ZNF37A: variants seen among roughly 807,000 people sequenced by gnomAD.
ZNF37A encodes zinc finger protein 37A.
ZNF37A carries 10 observed loss-of-function variants against 12.3 expected under a neutral mutation model. The observed-to-expected ratio is 0.82, with a 90% confidence interval of 0.50 to 1.38. ZNF37A has a LOEUF of 1.38. ZNF37A is among the 40% of genes most tolerant of loss of function. The probability of loss-of-function intolerance (pLI) is 0.00; values close to 1 mark genes in which losing one functional copy is unlikely to be tolerated. For missense variants in ZNF37A, 580 were observed against 651.2 expected, an observed-to-expected ratio of 0.89 and a Z score of 1.19; for synonymous variants, 207 against 223.0, an observed-to-expected ratio of 0.93 and a Z score of 0.64.
chr10:38,128,175 C>G (rs1211232074), downstream of ZNF37A, among the ~76,000 whole-genome samples: 2 of 152,032 alleles, frequency 1.3e-5, no homozygotes, highest in Non-Finnish European at 2.9e-5. Context: ...GTTTTAGAAC[C>G]TAATCAGAAG....
intron 7 of ZNF37A, chr10:38,141,666 ATTC>A (rs1209492320): frequency 1.3e-5 from 2 of 152,200 alleles, no homozygotes; most frequent in African/African-American, 2.4e-5. Context: ...ACCAATGTTA[ATTC>A]TTCTTAGTGT....
chr10:38,117,927 A>T lies in ZNF37A; in HGVS notation c.776A>T (p.His259Leu). The change falls in exon 8 of 8, where the codon CAT becomes CTT. Residue 259 changes from histidine to leucine, a missense_variant. Physicochemically the swap from His to Leu is moderately conservative, Grantham distance 99 (BLOSUM62 -3). Transcript: ENST00000685332. ...TTTTTCAGTGAAAAATTAGTCCTTC[A>T]TTTACAACAGAGAACACATACAGGA... ...GTFFSEKLVL[H>L]LQQRTHTGEK... 6.2e-7 allele frequency: 1 copy of T among 1,613,926 alleles called. No individual in the cohort carries two copies. Among genetic ancestry groups the T allele is most frequent in the East Asian group, 2.2e-5 (1 of 44,868 alleles).
chr10:38,137,858 T>A (rs2070130722), intron 7 of ZNF37A: 2 of 152,230 alleles, frequency 1.3e-5, no homozygotes, highest in African/African-American at 4.8e-5. Flanking sequence ...CAGATAGAGA[T>A]GGATTTTTGG....
chr10:38,112,751 TTTTCTTTTCTTTTCTTTTCTTTTCTTTTC>T (rs2068855352), intron 5 of ZNF37A, among the ~76,000 whole-genome samples: 15 of 48,476 alleles, frequency 3.1e-4, no homozygotes, highest in African/African-American at 1.2e-3. Flanking sequence ...TTTTCTTTTC[TTTTCTTTTCTTTTCTTTTCTTTTCTTTTC>T]TTTTCTTTTC....
At chr10:38,132,896 G>T (rs1320532612) in intron 7 of ZNF37A, among the ~76,000 whole-genome samples, 1 of 151,336 alleles carries the variant, frequency 6.6e-6, no homozygotes, top group Non-Finnish European at 1.5e-5. Context: ...TATTATCATA[G>T]AATTGTTTAT....
At chr10:38,095,955 G>A (rs924373328) in intron 4 of ZNF37A, among the ~76,000 whole-genome samples, 151 bp downstream of exon 4, 1 of 151,742 alleles carries the variant, frequency 6.6e-6, no homozygotes, top group Non-Finnish European at 1.5e-5. Flanking sequence ...GGGAGGCTGA[G>A]GGGGGTGGAT....
rs956542212 is a variant in ZNF37A at position 38,122,654 on chromosome 10, T to C, written c.*3817T>C. ...GCAGAAGAATGAAACTAGACCCCCA[T>C]CTCTTAGCATATACAAAAATCAAAA... On this transcript the variant is annotated 3_prime_UTR_variant, in exon 8 of 8. Coordinates refer to ENST00000685332, the MANE Select transcript of ZNF37A (RefSeq NM_001324250.3). 3 of 152,118 alleles carry C rather than the reference T, an allele frequency of 2.0e-5. No individual in the cohort carries two copies. Among genetic ancestry groups the C allele is most frequent in the Admixed American group, 6.5e-5 (1 of 15,272 alleles). The allele number at this position is 152,118 out of a possible 1,614,324, so 9.4% of individuals were successfully genotyped here.
chr10:38,109,915 G>A lies in ZNF37A; in HGVS notation c.16-4840G>A, dbSNP rs1244521913. On this transcript the variant is annotated intron_variant, in intron 5 of 7. Coordinates refer to ENST00000685332, the MANE Select transcript of ZNF37A (RefSeq NM_001324250.3). ...TCAGTATTGTGAAAATGGGCATATT[G>A]CCCAAAGTAATTTATAGATTCAAGC... is the stretch of plus-strand genomic sequence containing the variant. 2.0e-5 allele frequency among the ~76,000 whole-genome samples: 3 copies of A among 152,182 alleles called. No individual in the cohort carries two copies. In the South Asian group the frequency reaches 6.2e-4, roughly 31 times the overall value.
At chr10:38,146,513 G>A (rs781056561) in intron 7 of ZNF37A, among the ~76,000 whole-genome samples, 39 of 152,108 alleles carry the variant, frequency 2.6e-4, no homozygotes, top group Non-Finnish European at 3.4e-4. Flanking sequence ...GACAGATCCC[G>A]AGAGACAATG....
At chr10:38,103,965 A>C (rs2067810089) in intron 5 of ZNF37A, among the ~76,000 whole-genome samples, 1 of 152,194 alleles carries the variant, frequency 6.6e-6, no homozygotes. Context: ...TCCTGCTTAC[A>C]CAGAGCGTGA....
chr10:38,129,226 A>C (rs2069975125), downstream of ZNF37A, among the ~76,000 whole-genome samples: 1 of 150,248 alleles, frequency 6.7e-6, no homozygotes, highest in Non-Finnish European at 1.5e-5. Flanking sequence ...TTGGCTGGTA[A>C]AAAGTCAAAA....
At chr10:38,145,265 T>C (rs2070237083) in intron 7 of ZNF37A, among the ~76,000 whole-genome samples, 1 of 152,160 alleles carries the variant, frequency 6.6e-6, no homozygotes, top group African/African-American at 2.4e-5. Flanking sequence ...ATGGAAATAG[T>C]TTTGACTCAC....
At position 38,123,343 on chromosome 10, in the gene ZNF37A, G is replaced by GT. The variant is rs1356900987; in HGVS notation, c.*4508dup. On this transcript the variant is annotated 3_prime_UTR_variant, in exon 8 of 8. Coordinates refer to ENST00000685332, the MANE Select transcript of ZNF37A (RefSeq NM_001324250.3). Reference sequence around the variant, plus strand: ...AGTTAATTTCAATGTTTAAAGACTTGTTATTAAAATAATAGCAGTTTCTAT... The same window carrying GT: ...AGTTAATTTCAATGTTTAAAGACTTGTTTATTAAAATAATAGCAGTTTCTAT... 6.6e-6 allele frequency: 1 copy of GT among 152,076 alleles called. No individual in the cohort carries two copies. The highest frequency in any genetic ancestry group is 1.5e-5 in the Non-Finnish European group (1 of 68,008). The allele number at this position is 152,076 out of a possible 1,614,324, so 9.4% of individuals were successfully genotyped here.
intron 5 of ZNF37A, among the ~76,000 whole-genome samples, chr10:38,109,788 A>G (rs1287679779): frequency 1.3e-5 from 2 of 152,220 alleles, no homozygotes; most frequent in Non-Finnish European, 2.9e-5. Context: ...GTTACACGGG[A>G]TGCGAAGGAC....
intron 7 of ZNF37A, among the ~76,000 whole-genome samples, chr10:38,145,534 A>T (rs1316708401): frequency 6.6e-6 from 1 of 152,198 alleles, no homozygotes; most frequent in Non-Finnish European, 1.5e-5. Context: ...TACATTTTTC[A>T]TATTATCTAT....
Position 38,146,989 on chromosome 10 carries a change from T to G in ZNF37A, c.*169T>G, listed in dbSNP as rs952233747. ...GTTATAGATTAGCTAAAAGCATTCC[T>G]TACGGGAAACAAAGCATTTTTAGCG... On this transcript the variant is annotated 3_prime_UTR_variant, in exon 8 of 8. Coordinates refer to the ZNF37A transcript ENST00000638053. 8 of 372,724 alleles carry G rather than the reference T, an allele frequency of 2.1e-5. No homozygotes were observed. The Admixed American group carries it at 3.2e-4, about 15-fold the overall frequency. 23.1% of individuals were successfully genotyped at this position (372,724 alleles called of 1,614,324 possible).
chr10:38,132,043 A>G (rs185130921), intron 7 of ZNF37A, among the ~76,000 whole-genome samples: 1 of 152,178 alleles, frequency 6.6e-6, no homozygotes, highest in East Asian at 1.9e-4. Flanking sequence ...TATTCTACAT[A>G]TAGGTTCATG....
chr10:38,102,515 A>G (rs1192881778), intron 5 of ZNF37A, among the ~76,000 whole-genome samples: 1 of 152,196 alleles, frequency 6.6e-6, no homozygotes, highest in Admixed American at 6.5e-5. Flanking sequence ...TTGTGTGCAC[A>G]TTACATAGAT....
intron 7 of ZNF37A, chr10:38,143,323 T>C (rs2070209571): frequency 6.6e-6 from 1 of 152,262 alleles, no homozygotes; most frequent in Admixed American, 6.5e-5. Context: ...AAAGATATGG[T>C]AATAATTTCA....
Sources: gnomAD v4.1 joint callset for allele counts (sites outside exome capture counted in the v4.1 genomes callset) on GRCh38, gnomAD v4.1.1 for gene constraint, MANE v1.5 for transcripts, NCBI Gene and HGNC (gene_info 2026-07-23, HGNC 2026-07-21) for gene names.